PRNP: variants seen among roughly 807,000 people sequenced by gnomAD.
PRNP encodes major prion protein.
A neutral mutation model predicts 21.3 loss-of-function variants in PRNP; 15 were observed. The ratio of observed to expected loss-of-function variants is 0.71; its 90% CI spans 0.47 to 1.09. PRNP has a LOEUF of 1.09. Ranked by LOEUF, PRNP falls within the 50% of genes least tolerant of loss-of-function variation. PRNP has a pLI of 0.00. For missense variants in PRNP, 285 were observed against 340.9 expected, an observed-to-expected ratio of 0.84 and a Z score of 1.29; for synonymous variants, 121 against 123.1, an observed-to-expected ratio of 0.98 and a Z score of 0.11.
intron 1 of PRNP, among the ~76,000 whole-genome samples, chr20:4,694,436 A>G (rs965870311): frequency 2.0e-5 from 3 of 152,218 alleles, no homozygotes; most frequent in African/African-American, 7.2e-5. Flanking sequence ...TATAATTTAC[A>G]TCTTAATAGA....
intron 1 of PRNP, among the ~76,000 whole-genome samples, chr20:4,691,337 G>T (rs148833613): frequency 6.6e-6 from 1 of 152,162 alleles, no homozygotes; most frequent in East Asian, 1.9e-4. Context: ...TCTTTGTCTC[G>T]TTTCAGATCT....
At position 4,699,344 on chromosome 20, in the gene PRNP, G is replaced by A. The variant is rs1287360365; in HGVS notation, c.124G>A (p.Gly42Ser). 6.2e-7 allele frequency: 1 copy of A among 1,614,024 alleles called. No individual in the cohort carries two copies. The highest frequency in any genetic ancestry group is 1.1e-5 in the South Asian group (1 of 91,076). Residue 42 changes from glycine (G) to serine (S), a missense_variant, in exon 2 of 2, where the codon GGC becomes AGC. Gly to Ser is a moderately conservative substitution (Grantham distance 56). Transcript: ENST00000379440. This position sits in a 1 kb window ranked among gnomAD's most constrained non-coding sequence, Gnocchi z 5.8. ...NTGGSRYPGQ[G>S]SPGGNRYPPQ... ...TGGGGGCAGCCGATACCCGGGGCAG[G>A]GCAGCCCTGGAGGCAACCGCTACCC... is the stretch of plus-strand genomic sequence containing the variant.
chr20:4,694,401 A>G (rs1922034799), intron 1 of PRNP, among the ~76,000 whole-genome samples: 1 of 152,226 alleles, frequency 6.6e-6, no homozygotes, highest in African/African-American at 2.4e-5. Flanking sequence ...TATTTCTTAA[A>G]TGAATTAATT....
chr20:4,699,471 C>T lies in PRNP; in HGVS notation c.251C>T (p.Pro84Leu). The change falls in exon 2 of 2, where the codon CCT (proline) becomes CTT (leucine). Residue 84 changes from proline (P) to leucine (L), a missense_variant. Coordinates refer to ENST00000379440, the MANE Select transcript of PRNP (RefSeq NM_000311.5). This position sits in a 1 kb window ranked among gnomAD's most constrained non-coding sequence, Gnocchi z 5.8. ...CCCCATGGTGGTGGCTGGGGACAGC[C>T]TCATGGTGGTGGCTGGGGTCAAGGA... The part of the protein sequence containing the change: ...GQPHGGGWGQ[P>L]HGGGWGQGGG... The T allele has an allele frequency of 1.3e-6, 2 of 1,571,668 alleles. No individual in the cohort carries two copies. The highest frequency in any genetic ancestry group is 2.2e-5 in the East Asian group (1 of 44,828).
chr20:4,696,430 A>G (rs1049454515), intron 1 of PRNP, among the ~76,000 whole-genome samples: 3 of 152,178 alleles, frequency 2.0e-5, no homozygotes, highest in Admixed American at 6.5e-5. Context: ...AGTTATTGCT[A>G]CTGTAGAGGA....
intron 1 of PRNP, among the ~76,000 whole-genome samples, chr20:4,693,667 A>G (rs1223844486): frequency 6.6e-6 from 1 of 152,138 alleles, no homozygotes; most frequent in East Asian, 1.9e-4. Flanking sequence ...CCTTAAGCCC[A>G]CCAAGCTAAG....
chr20:4,695,179 G>C (rs1922090169), intron 1 of PRNP, among the ~76,000 whole-genome samples: 1 of 151,838 alleles, frequency 6.6e-6, no homozygotes, highest in South Asian at 2.1e-4. Flanking sequence ...ACAAGTGCAG[G>C]TTTGTTCCAT....
At chr20:4,694,057 T>C (rs1922005575) in intron 1 of PRNP, among the ~76,000 whole-genome samples, 1 of 151,432 alleles carries the variant, frequency 6.6e-6, no homozygotes, top group Non-Finnish European at 1.5e-5. Context: ...CCACTACACT[T>C]TGGCCTGGGT....
At chr20:4,687,085 T>G (rs1443052864) in intron 1 of PRNP, among the ~76,000 whole-genome samples, 1 of 151,704 alleles carries the variant, frequency 6.6e-6, no homozygotes, top group African/African-American at 2.4e-5. Context: ...GCCGGGGGAG[T>G]TCCGGGAGCC....
At chr20:4,687,915 A>G (rs564430035) in intron 1 of PRNP, among the ~76,000 whole-genome samples, 1 of 152,342 alleles carries the variant, frequency 6.6e-6, no homozygotes, top group African/African-American at 2.4e-5. Context: ...CTTCTGGAAA[A>G]ATCAACAACG....
chr20:4,694,282 CT>C (rs1312973460), intron 1 of PRNP, among the ~76,000 whole-genome samples: 1 of 150,940 alleles, frequency 6.6e-6, no homozygotes, highest in African/African-American at 2.4e-5. Context: ...AGGAAGATCT[CT>C]TGAGCCCAGA....
At chr20:4,693,106 T>A (rs1338649393) in intron 1 of PRNP, among the ~76,000 whole-genome samples, 6 of 152,308 alleles carry the variant, frequency 3.9e-5, no homozygotes, top group Middle Eastern at 3.4e-3. Context: ...TTTCAGTAGA[T>A]GGCATCACCG....
rs1568534510 is a variant in PRNP at position 4,699,473 on chromosome 20, CATG to C, written c.254_256del (p.His85_Gly86delinsArg). On this transcript the variant is annotated inframe_deletion, in exon 2 of 2. Coordinates refer to ENST00000379440, the MANE Select transcript of PRNP (RefSeq NM_000311.5). The surrounding 1 kb of genome is among the most constrained non-coding windows in gnomAD (Gnocchi z 5.8). The stretch of plus-strand genomic sequence containing the variant: ...CCATGGTGGTGGCTGGGGACAGCCT[CATG>C]GTGGTGGCTGGGGTCAAGGAGGTGG... 2.5e-6 allele frequency: 4 copies of C among 1,595,544 alleles called. No homozygotes were observed. Among genetic ancestry groups the C allele is most frequent in the Middle Eastern group, 1.7e-4 (1 of 5,990 alleles).
In PRNP at chr20:4,700,590, A is replaced by G. The variant is rs1922542951; in HGVS notation, c.*608A>G. On this transcript the variant is annotated 3_prime_UTR_variant, in exon 2 of 2. Coordinates refer to ENST00000379440, the MANE Select transcript of PRNP (RefSeq NM_000311.5). This position sits in a 1 kb window ranked among gnomAD's most constrained non-coding sequence, Gnocchi z 4.1. The stretch of plus-strand genomic sequence containing the variant: ...TTTTACTTTTCACAGTATGGGCTAC[A>G]CAGCAGCTGTTCAACAAGAGTAAAT... 4.5e-6 allele frequency: 1 copy of G among 220,824 alleles called. No homozygotes were observed. Among genetic ancestry groups the G allele is most frequent in the Non-Finnish European group, 9.9e-6 (1 of 100,806 alleles). 13.7% of individuals were successfully genotyped at this position (220,824 alleles called of 1,614,324 possible). A position where few individuals can be genotyped will look rare whatever the true frequency, so the allele number is the denominator to read the frequency against.
intron 1 of PRNP, among the ~76,000 whole-genome samples, chr20:4,688,858 C>T (rs1016943529): frequency 3.9e-5 from 6 of 152,140 alleles, no homozygotes; most frequent in African/African-American, 1.4e-4. Context: ...TCTTAATTTT[C>T]CTTTGGTGAA....
chr20:4,688,290 G>A lies in PRNP; in HGVS notation c.-11+1778G>A, dbSNP rs533887427. On this transcript the variant is annotated intron_variant, in intron 1 of 1. Coordinates refer to ENST00000379440, the MANE Select transcript of PRNP (RefSeq NM_000311.5). The stretch of plus-strand genomic sequence containing the variant: ...GCATTTTCAAGTGTCTGGGGAGGTG[G>A]CAGGGCTTTGGGGTCACAAAGATGG... 1.5e-3 allele frequency among the ~76,000 whole-genome samples: 233 copies of A among 152,258 alleles called. 2 individuals carry two copies. The highest frequency in any genetic ancestry group is 2.6e-3 in the Non-Finnish European group (180 of 68,010).
chr20:4,700,892 G>C lies in PRNP; in HGVS notation c.*910G>C, dbSNP rs1922562419. On this transcript the variant is annotated 3_prime_UTR_variant, in exon 2 of 2. Transcript: ENST00000379440. This position sits in a 1 kb window ranked among gnomAD's most constrained non-coding sequence, Gnocchi z 4.1. ...AAACCAGAATGATTTTGACATACAG[G>C]AGAGCTGCAGTTGTGAAAGCACCAT... The C allele has an allele frequency of 6.0e-6, 1 of 166,766 alleles. No homozygotes were observed. The highest frequency in any genetic ancestry group is 1.9e-4 in the East Asian group (1 of 5,210). 10.3% of individuals were successfully genotyped at this position (166,766 alleles called of 1,614,324 possible). A position where few individuals can be genotyped will look rare whatever the true frequency, so the allele number is the denominator to read the frequency against.
At chr20:4,687,994 GAGA>G (rs1468415180) in intron 1 of PRNP, among the ~76,000 whole-genome samples, 1 of 152,142 alleles carries the variant, frequency 6.6e-6, no homozygotes, top group Non-Finnish European at 1.5e-5. Flanking sequence ...CACAAACACA[GAGA>G]AGGTCTTACA....
At chr20:4,695,167 G>A (rs1173105480) in intron 1 of PRNP, among the ~76,000 whole-genome samples, 1 of 151,800 alleles carries the variant, frequency 6.6e-6, no homozygotes, top group South Asian at 2.1e-4. Flanking sequence ...AAGTTCAAGG[G>A]TACAAGTGCA....
Sources: gnomAD v4.1 joint callset for allele counts (sites outside exome capture counted in the v4.1 genomes callset) on GRCh38, gnomAD v4.1.1 for gene constraint, Gnocchi (gnomAD v3.1) non-coding constraint, MANE v1.5 for transcripts, NCBI Gene and HGNC (gene_info 2026-07-23, HGNC 2026-07-21) for gene names.